SULF2: variants seen among roughly 807,000 people sequenced by gnomAD.
SULF2 encodes the protein sulfatase 2, also known as extracellular sulfatase Sulf-2.
A neutral mutation model predicts 107.7 loss-of-function variants in SULF2; 52 were observed. That is an observed-to-expected ratio of 0.48 (90% CI 0.39 to 0.61). SULF2 has a LOEUF of 0.61. SULF2 is among the 20% of genes least tolerant of loss of function. The pLI is 0.00. For missense variants in SULF2, 993 were observed against 1,177.3 expected, an observed-to-expected ratio of 0.84 and a Z score of 2.29; for synonymous variants, 460 against 464.3, an observed-to-expected ratio of 0.99 and a Z score of 0.12.
intron 4 of SULF2, among the ~76,000 whole-genome samples, chr20:47,699,543 G>A (rs980047231): frequency 3.3e-5 from 5 of 151,506 alleles, no homozygotes; most frequent in Admixed American, 1.3e-4. Flanking sequence ...TTAGGAGTAC[G>A]TAGCATGTCC....
chr20:47,690,322 C>T, intron 4 of SULF2, 27 bp from the exon 5 acceptor site: 1 of 1,428,038 alleles, frequency 7.0e-7, no homozygotes, highest in East Asian at 2.6e-5. Flanking sequence ...GACAGGAGAA[C>T]AGGTGAGGAG....
rs34107769 is a variant in SULF2, at chr20:47,678,084, T to C, written c.1193+592A>G. 0.28 allele frequency: 42,346 copies of C among 152,348 alleles called. 6,164 individuals carry two copies. Among genetic ancestry groups the C allele is most frequent in the Middle Eastern group, 0.36 (107 of 294 alleles). 9.4% of individuals were successfully genotyped at this position (152,348 alleles called of 1,614,324 possible). On this transcript the variant is annotated intron_variant, in intron 8 of 20. Coordinates refer to ENST00000688720, the MANE Select transcript of SULF2 (RefSeq NM_001387048.1). The surrounding 1 kb of genome is among the most constrained non-coding windows in gnomAD (Gnocchi z 4.5). The stretch of plus-strand genomic sequence containing the variant: ...TGACTCAGCCCACCTCCCACCTGTC[T>C]GACTTGCTCACCCTCACGGTTCCTA...
Position 47,757,431 on chromosome 20 carries a change from T to G in SULF2, c.-68A>C. ...GTCTCAAGTTGCGTCTGTGGCTTTG[T>G]TTCTTTTCCCTCGTCCCTCTTCACT... On this transcript the variant is annotated 5_prime_UTR_variant, in exon 2 of 21. Coordinates refer to ENST00000688720, the MANE Select transcript of SULF2 (RefSeq NM_001387048.1). 6.7e-7 allele frequency: 1 copy of G among 1,486,730 alleles called. No homozygotes were observed. Among genetic ancestry groups the G allele is most frequent in the East Asian group, 2.5e-5 (1 of 40,308 alleles). The allele number at this position is 1,486,730 out of a possible 1,614,324, so 92.1% of individuals were successfully genotyped here.
intron 1 of SULF2, among the ~76,000 whole-genome samples, chr20:47,757,755 C>T (rs1395615238): frequency 6.6e-6 from 1 of 152,126 alleles, no homozygotes; most frequent in African/African-American, 2.4e-5. Context: ...AGTCAGATAA[C>T]AGCCGTCTCT....
intron 5 of SULF2, among the ~76,000 whole-genome samples, chr20:47,688,978 G>A (rs756179439): frequency 1.3e-5 from 2 of 151,910 alleles, no homozygotes; most frequent in African/African-American, 2.4e-5. Context: ...CTAAGCAGGG[G>A]GTGGTCTGAG....
intron 6 of SULF2, 89 bp from the exon 7 acceptor site, chr20:47,683,258 GC>G: frequency 7.5e-7 from 1 of 1,327,324 alleles, no homozygotes; most frequent in Admixed American, 2.3e-5. Context: ...GAGATCTCAG[GC>G]CCCGTCCCTC....
chr20:47,677,192 G>A (rs982431178), intron 8 of SULF2, 58 bp from the exon 9 acceptor site: 43 of 1,591,136 alleles, frequency 2.7e-5, no homozygotes, highest in Admixed American at 1.9e-4. Context: ...ACGACCCCCC[G>A]TTCCCCCAGG....
chr20:47,740,843 T>C (rs541839020), intron 2 of SULF2, among the ~76,000 whole-genome samples: 1 of 152,174 alleles, frequency 6.6e-6, no homozygotes, highest in South Asian at 2.1e-4. Flanking sequence ...GGCTGTCGAT[T>C]AGACCTCAGG....
intron 1 of SULF2, among the ~76,000 whole-genome samples, chr20:47,763,569 T>C (rs2090460834): frequency 1.3e-5 from 2 of 152,210 alleles, no homozygotes; most frequent in Admixed American, 1.3e-4. Flanking sequence ...TAAATGTCCA[T>C]GAAAGGCGGG....
Position 47,751,343 on chromosome 20 carries a change from TTGGCTCCAGTCC to T in SULF2, c.175+5834_175+5845del, listed in dbSNP as rs144745584. On this transcript the variant is annotated intron_variant, in intron 2 of 20. Coordinates refer to ENST00000688720, the MANE Select transcript of SULF2 (RefSeq NM_001387048.1). ...CCCAGTCCTCATGGTTCAAGTGGGGTTGGCTCCAGTCCTGGCTCCAGGAATGTGCACCTGACT... is the reference window on the plus strand; with the variant it reads ...CCCAGTCCTCATGGTTCAAGTGGGGTTGGCTCCAGGAATGTGCACCTGACT... 1.4e-4 allele frequency among the ~76,000 whole-genome samples: 21 copies of T among 152,286 alleles called. 1 individual carries two copies. In the East Asian group the frequency reaches 3.7e-3, roughly 27 times the overall value.
intron 2 of SULF2, among the ~76,000 whole-genome samples, chr20:47,740,625 G>T (rs1222587033): frequency 6.7e-6 from 1 of 148,584 alleles, no homozygotes; most frequent in Non-Finnish European, 1.5e-5. Context: ...TTCCTTTAGG[G>T]TGGTGGAAAT....
In SULF2 at chr20:47,665,865, C is replaced by G; in HGVS notation, c.1894G>C (p.Asp632His). 1 of 1,613,840 alleles carries G rather than the reference C, an allele frequency of 6.2e-7. No homozygotes were observed. The highest frequency in any genetic ancestry group is 8.5e-7 in the Non-Finnish European group (1 of 1,179,890). Reference sequence around the variant, plus strand: ...TCCCGCTCTCCACTCACCTCGTGGTCGATGTGCAGCTTGTGGTCTTTCCAG... The same window carrying G: ...TCCCGCTCTCCACTCACCTCGTGGTGGATGTGCAGCTTGTGGTCTTTCCAG... Reference protein sequence around the residue: ...QAWKDHKLHIDHEIETLQNKI... With the variant: ...QAWKDHKLHIHHEIETLQNKI... Residue 632 changes from aspartate (D) to histidine (H), a missense_variant, in exon 13 of 21, where the codon GAC becomes CAC. Around this residue, in one of 3 missense-constraint regions of SULF2, gnomAD observed 497 missense variants for 544.1 expected, o/e 0.91. Transcript: ENST00000688720.
intron 1 of SULF2, among the ~76,000 whole-genome samples, chr20:47,783,318 G>C (rs1018282053): frequency 2.0e-5 from 3 of 152,244 alleles, no homozygotes; most frequent in Non-Finnish European, 2.9e-5. Context: ...AATGGCCAAA[G>C]CTTGACAGAG....
intron 10 of SULF2, among the ~76,000 whole-genome samples, chr20:47,674,728 A>T (rs1163818089): frequency 1.3e-5 from 2 of 152,182 alleles, no homozygotes; most frequent in Non-Finnish European, 2.9e-5. Flanking sequence ...ACCCAAGACA[A>T]TGCTATGGCT....
intron 4 of SULF2, among the ~76,000 whole-genome samples, chr20:47,701,415 G>A (rs1802346926): frequency 6.6e-6 from 1 of 152,184 alleles, no homozygotes; most frequent in South Asian, 2.1e-4. Flanking sequence ...TCATCCAGCG[G>A]TCCACTTAAG....
At chr20:47,756,376 G>A (rs542685415) in intron 2 of SULF2, among the ~76,000 whole-genome samples, 22 of 152,136 alleles carry the variant, frequency 1.4e-4, no homozygotes, top group Non-Finnish European at 2.9e-4. Flanking sequence ...AGCTCCCGGA[G>A]GAAAAAAACT....
chr20:47,726,236 C>T (rs1169738357), intron 3 of SULF2, among the ~76,000 whole-genome samples: 1 of 152,166 alleles, frequency 6.6e-6, no homozygotes, highest in Non-Finnish European at 1.5e-5. Context: ...GACAAGGTCT[C>T]ACTCTGTTGC....
Position 47,661,823 on chromosome 20 carries a change from C to T in SULF2, c.2444G>A (p.Ser815Asn). The T allele has an allele frequency of 1.3e-6, 2 of 1,591,766 alleles. No homozygotes were observed. Among genetic ancestry groups the T allele is most frequent in the Non-Finnish European group, 1.7e-6 (2 of 1,164,580 alleles). Reference sequence around the variant, plus strand: ...GTTACACTGCTTGTAACCCTTGCAGCTCCTCAGCTCCATGAGCTGTACGTG... The same window carrying T: ...GTTACACTGCTTGTAACCCTTGCAGTTCCTCAGCTCCATGAGCTGTACGTG... Reference protein sequence around the residue: ...QLHVQLMELRSCKGYKQCNPR... With the variant: ...QLHVQLMELRNCKGYKQCNPR... Residue 815 changes from serine to asparagine, a missense_variant, in exon 18 of 21, where the codon AGC (serine) becomes AAC (asparagine). Around this residue, in one of 3 missense-constraint regions of SULF2, gnomAD observed 497 missense variants for 544.1 expected, o/e 0.91. Transcript: ENST00000688720.
intron 18 of SULF2, among the ~76,000 whole-genome samples, chr20:47,660,036 C>G (rs923216554): frequency 2.6e-5 from 4 of 152,218 alleles, no homozygotes. Flanking sequence ...GCATGAACAT[C>G]TGTGCTCCAG....
Sources: allele counts gnomAD v4.1 joint callset (sites outside exome capture counted in the v4.1 genomes callset), GRCh38; gene constraint gnomAD v4.1.1; regional missense constraint gnomAD v4.1.1; non-coding constraint Gnocchi (gnomAD v3.1); transcripts MANE v1.5; gene names NCBI Gene and HGNC (gene_info 2026-07-23, HGNC 2026-07-21).